Variants in SLC25A48 observed in about 807,000 individuals in gnomAD.
The protein encoded by SLC25A48 is CTC-321K16.1.
Under a neutral mutation model 32.2 loss-of-function variants are expected in SLC25A48, and 29 were observed. The observed-to-expected ratio is 0.90, with a 90% confidence interval of 0.67 to 1.23. The LOEUF is 1.23. Among genes scored for constraint, SLC25A48 ranks in the 50% most tolerant of loss-of-function variants. The pLI, the probability that SLC25A48 is intolerant of heterozygous loss-of-function variation, is 0.00. For synonymous variants in SLC25A48, 164 were observed against 172.3 expected (o/e 0.95, Z 0.38); for missense variants, 399 against 422.7 (o/e 0.94, Z 0.49).
chr5:135,670,522 T>C (rs145211153), intron 3 of SLC25A48, among the ~76,000 whole-genome samples: 190 of 152,310 alleles, frequency 1.2e-3, no homozygotes, highest in African/African-American at 4.2e-3. Flanking sequence ...AGTATCACTC[T>C]AGGCAAACCA....
At chr5:135,793,889 AGT>A (rs1189148929) in intron 3 of SLC25A48, among the ~76,000 whole-genome samples, 8 of 150,850 alleles carry the variant, frequency 5.3e-5, no homozygotes, top group African/African-American at 2.0e-4. Flanking sequence ...TATCACAGTG[AGT>A]GTACAACATG....
chr5:135,865,727 G>T (rs1199390549), intron 4 of SLC25A48, among the ~76,000 whole-genome samples: 1 of 152,126 alleles, frequency 6.6e-6, no homozygotes. Flanking sequence ...AGCAACAGAG[G>T]CAAGCCATAC....
intron 2 of SLC25A48, among the ~76,000 whole-genome samples, chr5:135,631,138 G>T (rs546037293): frequency 1.3e-5 from 2 of 152,194 alleles, no homozygotes; most frequent in Non-Finnish European, 2.9e-5. Flanking sequence ...CAGTTTTGTG[G>T]CTAGCTTTAT....
At chr5:135,810,201 C>T (rs530007651) in intron 3 of SLC25A48, among the ~76,000 whole-genome samples, 46 of 152,278 alleles carry the variant, frequency 3.0e-4, no homozygotes, top group African/African-American at 1.1e-3. Context: ...TCACTTTGAC[C>T]AAATTGGCCC....
At chr5:135,771,041 G>A (rs547849493) in intron 3 of SLC25A48, among the ~76,000 whole-genome samples, 1 of 151,632 alleles carries the variant, frequency 6.6e-6, no homozygotes, top group South Asian at 2.1e-4. Flanking sequence ...TACCCCCTGC[G>A]ATATTGTTCT....
chr5:135,810,409 G>T (rs1321593334), intron 3 of SLC25A48, among the ~76,000 whole-genome samples: 4 of 152,150 alleles, frequency 2.6e-5, no homozygotes, highest in African/African-American at 7.2e-5. Context: ...GCCCCAGCTG[G>T]CCTGTAAATG....
At chr5:135,741,391 C>G (rs879388087) in intron 3 of SLC25A48, among the ~76,000 whole-genome samples, 9 of 152,146 alleles carry the variant, frequency 5.9e-5, no homozygotes, top group Admixed American at 2.6e-4. Context: ...TGTAATTAGG[C>G]TTTGTGGGCA....
Position 135,888,171 on chromosome 5 carries a change from C to T in SLC25A48, c.*147C>T, listed in dbSNP as rs1232979341. 5.9e-5 allele frequency: 79 copies of T among 1,347,484 alleles called. No individual in the cohort carries two copies. The highest frequency in any genetic ancestry group is 1.3e-4 in the East Asian group (5 of 39,558). 83.5% of individuals were successfully genotyped at this position (1,347,484 alleles called of 1,614,324 possible). On this transcript the variant is annotated 3_prime_UTR_variant, in exon 8 of 8. Coordinates refer to ENST00000681962, the MANE Select transcript of SLC25A48 (RefSeq NM_001349336.2). ...TGGGCTAGGATGGTGCAGACACTGA[C>T]GTGGCCCTTCTGATGCCTGGGATGC...
intron 4 of SLC25A48, chr5:135,825,868 T>A (rs907465173): frequency 4.6e-5 from 7 of 152,244 alleles, no homozygotes; most frequent in Admixed American, 1.3e-4. Context: ...CCTTTCCATC[T>A]GGGAGCCAGG....
intron 3 of SLC25A48, among the ~76,000 whole-genome samples, chr5:135,683,661 T>C (rs1753950921): frequency 6.6e-6 from 1 of 152,318 alleles, no homozygotes; most frequent in Admixed American, 6.5e-5. Context: ...GGAATGGACC[T>C]GATAGGAGGG....
chr5:135,818,063 CT>C lies in SLC25A48; in HGVS notation c.-117+5138del. Among the ~76,000 whole-genome samples the C allele has an allele frequency of 3.1e-4, 4 of 12,916 alleles. No individual in the cohort carries two copies. In the South Asian group the frequency reaches 0.014, roughly 47 times the overall value. 8.5% of individuals were successfully genotyped at this position (12,916 alleles called of 152,430 possible). ...GTTTGTTCTCTCTGTTCCTCTCTCT[CT>C]CTCTCTCTCTCTCTCTCTCTCTCTC... On this transcript the variant is annotated intron_variant, in intron 4 of 10. Coordinates refer to the SLC25A48 transcript ENST00000646290.
At chr5:135,820,837 A>G (rs1757864498) in intron 4 of SLC25A48, among the ~76,000 whole-genome samples, 1 of 152,186 alleles carries the variant, frequency 6.6e-6, no homozygotes, top group Admixed American at 6.5e-5. Flanking sequence ...ACAAAAGAAA[A>G]TGGCCCAGCA....
At chr5:135,680,123 T>G (rs1315961800) in intron 3 of SLC25A48, among the ~76,000 whole-genome samples, 1 of 152,176 alleles carries the variant, frequency 6.6e-6, no homozygotes, top group African/African-American at 2.4e-5. Context: ...GTCACTACTC[T>G]TTTGAATTCA....
At chr5:135,708,644 G>A (rs138768510) in intron 3 of SLC25A48, among the ~76,000 whole-genome samples, 1 of 152,320 alleles carries the variant, frequency 6.6e-6, no homozygotes, top group Non-Finnish European at 1.5e-5. Flanking sequence ...CTGGGTTCGA[G>A]TCTACAACAT....
intron 3 of SLC25A48, among the ~76,000 whole-genome samples, chr5:135,784,753 A>C (rs1297130954): frequency 1.7e-5 from 2 of 118,148 alleles, no homozygotes; most frequent in African/African-American, 5.2e-5. Context: ...ACCCAGTGGA[A>C]GACCCAGTGT....
chr5:135,714,906 C>T (rs1754757323), intron 3 of SLC25A48: 1 of 152,370 alleles, frequency 6.6e-6, no homozygotes, highest in Admixed American at 6.5e-5. Context: ...GTTCAGTGCC[C>T]TGGGCTCAGG....
chr5:135,853,286 A>G (rs953608667), intron 4 of SLC25A48, among the ~76,000 whole-genome samples: 2 of 152,184 alleles, frequency 1.3e-5, no homozygotes, highest in African/African-American at 4.8e-5. Context: ...GCAATTTCTT[A>G]AAATAAGACA....
intron 4 of SLC25A48, among the ~76,000 whole-genome samples, chr5:135,867,718 C>T (rs187479579): frequency 1.6e-4 from 24 of 152,304 alleles, no homozygotes; most frequent in African/African-American, 5.3e-4. Flanking sequence ...GTTTGTTGGA[C>T]TTTGGGCCTC....
chr5:135,742,591 T>C, intron 3 of SLC25A48: 1 of 1,088,424 alleles, frequency 9.2e-7, no homozygotes. Context: ...CCTCTATAGC[T>C]GCAAAGAAAG....
Sources: gnomAD v4.1 joint callset for allele counts (sites outside exome capture counted in the v4.1 genomes callset) on GRCh38, gnomAD v4.1.1 for gene constraint, MANE v1.5 for transcripts, NCBI Gene and HGNC (gene_info 2026-07-23, HGNC 2026-07-21) for gene names.